CNTLN: variants seen among roughly 807,000 people sequenced by gnomAD.
CNTLN encodes the protein centlein, centrosomal protein.
In CNTLN, 212 loss-of-function variants were observed where a neutral mutation model predicts 180.0. That is an observed-to-expected ratio of 1.18 (90% confidence interval 1.05 to 1.32). The LOEUF is 1.32. Among genes scored for constraint, CNTLN ranks in the 40% most tolerant of loss-of-function variants. The pLI is 0.00. For synonymous variants in CNTLN, 722 were observed against 563.1 expected (o/e 1.28, Z -3.99); for missense variants, 2,095 against 1,610.9 (o/e 1.30, Z -5.14).
At chr9:17,143,921 A>T (rs1348726217) in intron 2 of CNTLN, among the ~76,000 whole-genome samples, 1 of 152,172 alleles carries the variant, frequency 6.6e-6, no homozygotes, top group Non-Finnish European at 1.5e-5. Flanking sequence ...GGTTATTAGA[A>T]ACAGTGGAAT....
At chr9:17,271,239 C>T (rs1333156940) in intron 5 of CNTLN, among the ~76,000 whole-genome samples, 1 of 152,036 alleles carries the variant, frequency 6.6e-6, no homozygotes, top group Admixed American at 6.5e-5. Context: ...CCGCGCCCAG[C>T]ACTATTTTTG....
At chr9:17,434,334 T>C (rs1829628083) in intron 18 of CNTLN, among the ~76,000 whole-genome samples, 1 of 151,974 alleles carries the variant, frequency 6.6e-6, no homozygotes, top group African/African-American at 2.4e-5. Context: ...ATCTTAGAAT[T>C]CTCTTTTCTG....
the CNTLN span, among the ~76,000 whole-genome samples, chr9:17,513,786 A>G: frequency 1.3e-5 from 2 of 152,330 alleles, no homozygotes; most frequent in East Asian, 3.9e-4. Flanking sequence ...AAATTATTTT[A>G]AAAGAAAAAC....
At chr9:17,301,940 T>C (rs1554682855) in intron 7 of CNTLN, 1 of 930,148 alleles carries the variant, frequency 1.1e-6, no homozygotes, top group Non-Finnish European at 1.3e-6. Flanking sequence ...TCATAACATA[T>C]AACTATTTTA....
At chr9:17,303,312 A>T (rs1252578287) in intron 7 of CNTLN, among the ~76,000 whole-genome samples, 1 of 152,176 alleles carries the variant, frequency 6.6e-6, no homozygotes, top group African/African-American at 2.4e-5. Flanking sequence ...TTTTTTCAAC[A>T]CTTAATAATT....
At chr9:17,268,978 T>G (rs1406201766) in intron 5 of CNTLN, among the ~76,000 whole-genome samples, 1 of 152,112 alleles carries the variant, frequency 6.6e-6, no homozygotes, top group Non-Finnish European at 1.5e-5. Flanking sequence ...CCTGACCCCT[T>G]GTGCTTCCCG....
In CNTLN at chr9:17,259,185, G is replaced by T. The variant is rs1270999980; in HGVS notation, c.850-14548G>T. Among the ~76,000 whole-genome samples, 6 of 149,340 alleles carry T rather than the reference G, an allele frequency of 4.0e-5. No homozygotes were observed. The East Asian group carries it at 9.9e-4, about 25-fold the overall frequency. On this transcript the variant is annotated intron_variant, in intron 5 of 25. Transcript: ENST00000380647. ...TTTATTGAGAGTTTTTAGCATGAAG[G>T]GTTGTTGAATTTTGTACAAAGGCCT...
At chr9:17,162,239 T>C (rs1216377311) in intron 2 of CNTLN, among the ~76,000 whole-genome samples, 3 of 152,110 alleles carry the variant, frequency 2.0e-5, no homozygotes, top group East Asian at 1.9e-4. Flanking sequence ...CTCAGCCTCC[T>C]GAGTAACTGG....
At chr9:17,457,171 C>T (rs925926041) in intron 18 of CNTLN, among the ~76,000 whole-genome samples, 1 of 152,088 alleles carries the variant, frequency 6.6e-6, no homozygotes, top group Non-Finnish European at 1.5e-5. Context: ...TCCAGCTTGG[C>T]TTTTCCCAGT....
chr9:17,137,819 A>T (rs1817823595), intron 1 of CNTLN, among the ~76,000 whole-genome samples: 1 of 152,222 alleles, frequency 6.6e-6, no homozygotes, highest in Admixed American at 6.5e-5. Context: ...ATGCCTCAGA[A>T]TAAGCATGTA....
At position 17,379,911 on chromosome 9, in the gene CNTLN, CTT is replaced by C. The variant is rs112641368; in HGVS notation, c.1988-8249_1988-8248del. On this transcript the variant is annotated intron_variant, in intron 13 of 25. Coordinates refer to ENST00000380647, the MANE Select transcript of CNTLN (RefSeq NM_017738.4). ...TAAGCCCCTACCATGCTAAATTTCT[CTT>C]TACTGAAAATTGCAATTTATAACGT... 2.1e-3 allele frequency among the ~76,000 whole-genome samples: 319 copies of C among 152,256 alleles called. 1 individual carries two copies. Among genetic ancestry groups the C allele is most frequent in the African/African-American group, 7.3e-3 (304 of 41,548 alleles).
intron 5 of CNTLN, among the ~76,000 whole-genome samples, chr9:17,245,440 GTT>G (rs553099095): frequency 9.1e-5 from 12 of 132,152 alleles, no homozygotes; most frequent in Non-Finnish European, 1.5e-4. Context: ...TGTTATTTGT[GTT>G]TTTTTTTTTT....
chr9:17,494,252 C>G lies in CNTLN; in HGVS notation c.4119+7186C>G, dbSNP rs933748078. ...CTAGTCTCCCCAGAAGATGCCTAAC[C>G]CATTGCCTACTATAGAGTAAATACA... On this transcript the variant is annotated intron_variant, in intron 25 of 25. Coordinates refer to ENST00000380647, the MANE Select transcript of CNTLN (RefSeq NM_017738.4). Among the ~76,000 whole-genome samples the G allele has an allele frequency of 2.0e-5, 3 of 152,088 alleles. No homozygotes were observed. In the South Asian group the frequency reaches 6.2e-4, roughly 32 times the overall value.
intron 18 of CNTLN, among the ~76,000 whole-genome samples, chr9:17,422,501 A>C (rs1828793483): frequency 6.6e-6 from 1 of 152,156 alleles, no homozygotes; most frequent in Non-Finnish European, 1.5e-5. Context: ...GAGAGACTCT[A>C]ATGCGTTTTT....
intron 2 of CNTLN, among the ~76,000 whole-genome samples, chr9:17,143,604 C>T (rs902046899): frequency 2.0e-5 from 3 of 152,140 alleles, no homozygotes; most frequent in African/African-American, 7.2e-5. Flanking sequence ...GAGTGTGTAG[C>T]TAAGAGATAA....
chr9:17,433,909 T>A (rs929375448), intron 18 of CNTLN, among the ~76,000 whole-genome samples: 6 of 152,204 alleles, frequency 3.9e-5, no homozygotes, highest in African/African-American at 1.4e-4. Flanking sequence ...GGAAAAATTG[T>A]TTAGTTAAAT....
chr9:17,429,447 G>T (rs1024630890), intron 18 of CNTLN, among the ~76,000 whole-genome samples: 1 of 151,956 alleles, frequency 6.6e-6, no homozygotes, highest in Non-Finnish European at 1.5e-5. Context: ...CAGAACAAGG[G>T]ATATCATACA....
chr9:17,180,490 T>A (rs1290407616), intron 2 of CNTLN, among the ~76,000 whole-genome samples: 1 of 151,524 alleles, frequency 6.6e-6, no homozygotes, highest in Non-Finnish European at 1.5e-5. Flanking sequence ...ATAATATAGT[T>A]GCCATGAATA....
intron 18 of CNTLN, among the ~76,000 whole-genome samples, chr9:17,441,087 G>A (rs1275736038): frequency 4.6e-5 from 7 of 152,066 alleles, no homozygotes; most frequent in African/African-American, 1.4e-4. Context: ...AGATAAAAAC[G>A]TGCCAACCAA....
Sources: gnomAD v4.1 joint callset for allele counts (sites outside exome capture counted in the v4.1 genomes callset) on GRCh38, gnomAD v4.1.1 for gene constraint, MANE v1.5 for transcripts, NCBI Gene and HGNC (gene_info 2026-07-23, HGNC 2026-07-21) for gene names.